The following NALCN variants were observed in gnomAD, a reference collection of about 807,000 sequenced individuals.
NALCN encodes the protein sodium leak channel NALCN.
Under a neutral mutation model 225.3 loss-of-function variants are expected in NALCN, and 111 were observed. That is an observed-to-expected ratio of 0.49 (90% CI 0.42 to 0.58). NALCN has a LOEUF of 0.58. NALCN is among the 20% of genes least tolerant of loss of function. The pLI is 0.00. For missense variants in NALCN, 1,378 were observed against 2,202.4 expected (o/e 0.63, Z 7.49); for synonymous variants, 764 against 769.0 (o/e 0.99, Z 0.11).
intron 13 of NALCN, 68 bp downstream of exon 13, chr13:101,229,325 T>G: frequency 7.5e-7 from 1 of 1,326,518 alleles, no homozygotes; most frequent in Non-Finnish European, 1.0e-6. Flanking sequence ...TGAAATTACT[T>G]TGATGTTAAT....
At chr13:101,327,376 T>G (rs1224966980) in intron 7 of NALCN, among the ~76,000 whole-genome samples, 1 of 126,524 alleles carries the variant, frequency 7.9e-6, no homozygotes, top group Non-Finnish European at 1.8e-5. Flanking sequence ...TTTTTCTAGC[T>G]AAAACATTGG....
chr13:101,387,622 G>C (rs998496167), intron 3 of NALCN, among the ~76,000 whole-genome samples: 1 of 152,156 alleles, frequency 6.6e-6, no homozygotes, highest in Non-Finnish European at 1.5e-5. Flanking sequence ...AGTGCTATTG[G>C]CAAATGTATT....
chr13:101,154,987 G>C (rs2037835051), intron 15 of NALCN, among the ~76,000 whole-genome samples: 1 of 152,152 alleles, frequency 6.6e-6, no homozygotes, highest in South Asian at 2.1e-4. Flanking sequence ...GTATAAACTT[G>C]ATACAACGTA....
At chr13:101,310,709 T>A (rs1297929658) in intron 7 of NALCN, among the ~76,000 whole-genome samples, 1 of 152,204 alleles carries the variant, frequency 6.6e-6, no homozygotes, top group Non-Finnish European at 1.5e-5. Flanking sequence ...TTCACTGTTG[T>A]GATCAAATGC....
chr13:101,086,584 G>A (rs985474568), intron 30 of NALCN, among the ~76,000 whole-genome samples: 1 of 151,834 alleles, frequency 6.6e-6, no homozygotes, highest in Admixed American at 6.6e-5. Flanking sequence ...TGAAAATAAT[G>A]CACATTCTCA....
chr13:101,246,223 G>C (rs1381164868), intron 11 of NALCN, among the ~76,000 whole-genome samples: 7 of 152,120 alleles, frequency 4.6e-5, no homozygotes, highest in Admixed American at 4.6e-4. Flanking sequence ...GTAAACACAG[G>C]CCTATGAGAT....
At chr13:101,215,832 C>A (rs1350030852) in intron 13 of NALCN, among the ~76,000 whole-genome samples, 1 of 152,096 alleles carries the variant, frequency 6.6e-6, no homozygotes, top group Non-Finnish European at 1.5e-5. Flanking sequence ...TTAGGTATAT[C>A]TCCTAATGCA....
At chr13:101,169,443 C>T (rs2139905877) in intron 15 of NALCN, among the ~76,000 whole-genome samples, 1 of 152,300 alleles carries the variant, frequency 6.6e-6, no homozygotes. Flanking sequence ...TGGTTTGCTG[C>T]ATCTATCAAA....
rs561380811 is a variant in NALCN at position 101,095,683 on chromosome 13, A to G, written c.3163-3T>C. 6.2e-7 allele frequency: 1 copy of G among 1,606,572 alleles called. No individual in the cohort carries two copies. The highest frequency in any genetic ancestry group is 1.7e-5 in the Admixed American group (1 of 59,286). On this transcript the variant is annotated splice_polypyrimidine_tract_variant and splice_region_variant and intron_variant, in intron 27 of 43. Transcript: ENST00000251127. ...CTGAATATGCCATTGCAATCTTCCT[A>G]AAGTAGAAAAACAAGAGGAGAGGGG...
In NALCN at chr13:101,198,728, T is replaced by C. The variant is rs111830197; in HGVS notation, c.1627-6674A>G. Among the ~76,000 whole-genome samples, 161 of 152,318 alleles carry C rather than the reference T, an allele frequency of 1.1e-3. 1 individual carries two copies. The highest frequency in any genetic ancestry group is 0.01 in the Middle Eastern group (3 of 294). On this transcript the variant is annotated intron_variant, in intron 13 of 43. Coordinates refer to ENST00000251127, the MANE Select transcript of NALCN (RefSeq NM_052867.4). ...CTAGTTCAACCATTGTGGAAGTCAGTGTGGCAATTCCTCAGGGATCTAGAA... is the reference window on the plus strand; with the variant it reads ...CTAGTTCAACCATTGTGGAAGTCAGCGTGGCAATTCCTCAGGGATCTAGAA...
intron 39 of NALCN, among the ~76,000 whole-genome samples, 189 bp from the exon 40 acceptor site, chr13:101,065,750 C>CTGAG (rs2032329408): frequency 6.6e-6 from 1 of 152,198 alleles, no homozygotes. Flanking sequence ...GGATAGAAAA[C>CTGAG]TGAGTGATAA....
At position 101,074,521 on chromosome 13, in the gene NALCN, T is replaced by C; in HGVS notation, c.4096A>G (p.Ile1366Val). Residue 1366 changes from isoleucine (I) to valine (V), a missense_variant, in exon 36 of 44, where the codon ATT (isoleucine) becomes GTT (valine). Ile to Val is a conservative substitution (Grantham distance 29, BLOSUM62 3). Around this residue, in one of 19 missense-constraint regions of NALCN, gnomAD observed 76 missense variants for 118.7 expected, o/e 0.64. Transcript: ENST00000251127. ...AGATAAGTATATACCAACCTGTTAA[T>C]ATTCTCCCCATATTTCACAGTACCA... ...LFGTVKYGEN[I>V]NRHANFSSAG... 2 of 1,606,658 alleles carry C rather than the reference T, an allele frequency of 1.2e-6. No individual in the cohort carries two copies. Among genetic ancestry groups the C allele is most frequent in the African/African-American group, 1.3e-5 (1 of 74,454 alleles).
At chr13:101,270,157 G>A (rs1246174149) in intron 10 of NALCN, among the ~76,000 whole-genome samples, 1 of 152,158 alleles carries the variant, frequency 6.6e-6, no homozygotes, top group Admixed American at 6.5e-5. Flanking sequence ...CATAGTTACT[G>A]AATAATCTCA....
Position 101,074,692 on chromosome 13 carries a change from C to CAGAGAG in NALCN, c.3955-36_3955-31dup, listed in dbSNP as rs34229756. 5.5e-6 allele frequency: 8 copies of CAGAGAG among 1,444,622 alleles called. No homozygotes were observed. The African/African-American group carries it at 6.0e-5, about 11-fold the overall frequency. The allele number at this position is 1,444,622 out of a possible 1,614,324, so 89.5% of individuals were successfully genotyped here. A position where few individuals can be genotyped will look rare whatever the true frequency, so the allele number is the denominator to read the frequency against. ...GGACCAGGGGTGGGAAGCGGGGAGA[C>CAGAGAG]AGAGAGAGAGAGAGAGAGAGACAGA... On this transcript the variant is annotated intron_variant, in intron 35 of 43. Coordinates refer to ENST00000251127, the MANE Select transcript of NALCN (RefSeq NM_052867.4).
chr13:101,133,658 T>C (rs1468795937), intron 17 of NALCN, among the ~76,000 whole-genome samples: 1 of 152,198 alleles, frequency 6.6e-6, no homozygotes, highest in Non-Finnish European at 1.5e-5. Context: ...AGATCATGTG[T>C]GTGGCAAGAT....
In NALCN at chr13:101,345,297, T is replaced by C. The variant is rs1352373631; in HGVS notation, c.768A>G (p.Gln256=). 1.2e-6 allele frequency: 2 copies of C among 1,613,740 alleles called. No homozygotes were observed. Among genetic ancestry groups the C allele is most frequent in the South Asian group, 2.2e-5 (2 of 91,066 alleles). Residue 256 remains glutamine (Q), a synonymous_variant, in exon 7 of 44, where the codon CAA becomes CAG. Coordinates refer to ENST00000251127, the MANE Select transcript of NALCN (RefSeq NM_052867.4). ...CATTAAAGCCACTGTAGCCCAGCTCTTGCCTGCTAAGTCCCAGATCTTCAA... is the reference window on the plus strand; with the variant it reads ...CATTAAAGCCACTGTAGCCCAGCTCCTGCCTGCTAAGTCCCAGATCTTCAA... ...MDLEDLGLSR[Q]ELGYSGFNEI...
intron 14 of NALCN, chr13:101,181,195 C>T (rs374690449): frequency 1.0e-4 from 52 of 518,814 alleles, no homozygotes; most frequent in African/African-American, 8.7e-4. Context: ...CTGTGAGGAA[C>T]GCATTCCAGG....
intron 7 of NALCN, among the ~76,000 whole-genome samples, chr13:101,295,206 TTGATGATTC>T (rs1174312328): frequency 1.3e-5 from 2 of 152,206 alleles, no homozygotes; most frequent in Non-Finnish European, 2.9e-5. Context: ...ACTGTTTTTA[TTGATGATTC>T]ATAGGTACTA....
At chr13:101,417,017 G>A (rs1422941881), upstream of NALCN, among the ~76,000 whole-genome samples, 1 of 152,130 alleles carries the variant, frequency 6.6e-6, no homozygotes, top group Admixed American at 6.6e-5. Context: ...TTTCTAAATA[G>A]GTTGACGTTC....
Sources: allele counts gnomAD v4.1 joint callset (sites outside exome capture counted in the v4.1 genomes callset), GRCh38; gene constraint gnomAD v4.1.1; regional missense constraint gnomAD v4.1.1; transcripts MANE v1.5; gene names NCBI Gene and HGNC (gene_info 2026-07-23, HGNC 2026-07-21).